NBN: variants seen among roughly 807,000 people sequenced by gnomAD.
The protein encoded by NBN is Nijmegen breakage syndrome 1 (nibrin).
A neutral mutation model predicts 90.8 loss-of-function variants in NBN; 88 were observed. That is an observed-to-expected ratio of 0.97 (90% confidence interval 0.82 to 1.16). NBN has a LOEUF of 1.16. NBN is among the 50% of genes most tolerant of loss of function. The pLI, the probability that NBN is intolerant of heterozygous loss-of-function variation, is 0.00. For synonymous variants in NBN, 328 were observed against 295.1 expected (o/e 1.11, Z -1.14); for missense variants, 894 against 869.6 (o/e 1.03, Z -0.35).
intron 14 of NBN, among the ~76,000 whole-genome samples, chr8:89,942,441 G>C (rs535940562): frequency 6.6e-6 from 1 of 152,160 alleles, no homozygotes; most frequent in African/African-American, 2.4e-5. Flanking sequence ...CCTACAGATC[G>C]AGTTACAAAG....
At chr8:89,982,552 C>T (rs2129922953) in intron 2 of NBN, 170 bp downstream of exon 2, 1 of 638,470 alleles carries the variant, frequency 1.6e-6, no homozygotes, top group South Asian at 1.9e-5. Flanking sequence ...ACAAATACCA[C>T]TGGTACCACT....
intron 13 of NBN, among the ~76,000 whole-genome samples, chr8:89,944,085 A>T (rs1469966847): frequency 1.3e-5 from 2 of 151,840 alleles, no homozygotes; most frequent in Non-Finnish European, 1.5e-5. Flanking sequence ...ATTGATTTGG[A>T]GGGTTTTTTG....
intron 7 of NBN, among the ~76,000 whole-genome samples, chr8:89,965,260 T>C (rs1563550633): frequency 1.3e-5 from 2 of 152,182 alleles, no homozygotes; most frequent in Admixed American, 6.5e-5. Context: ...ACCTAAGGTA[T>C]ATCTATACAT....
In NBN at chr8:89,950,711, C is replaced by T. The variant is rs1043568633; in HGVS notation, c.1845+2533G>A. Among the ~76,000 whole-genome samples the T allele has an allele frequency of 5.3e-5, 8 of 151,298 alleles. No homozygotes were observed. The South Asian group carries it at 6.3e-4, about 12-fold the overall frequency. Reference sequence around the variant, plus strand: ...ATAAAATAATTATATTTCCTCATATCGTTATACCTCATATAAACCTTACAT... The same window carrying T: ...ATAAAATAATTATATTTCCTCATATTGTTATACCTCATATAAACCTTACAT... On this transcript the variant is annotated intron_variant, in intron 11 of 15. Coordinates refer to ENST00000265433, the MANE Select transcript of NBN (RefSeq NM_002485.5).
At chr8:89,955,670 G>A in intron 9 of NBN, 115 bp from the exon 10 acceptor site, 1 of 1,190,808 alleles carries the variant, frequency 8.4e-7, no homozygotes, top group Non-Finnish European at 1.2e-6. Flanking sequence ...ATAATTTTTA[G>A]ACAAAAATAC....
At chr8:89,944,263 GA>G (rs1429087802) in intron 13 of NBN, among the ~76,000 whole-genome samples, 1 of 152,090 alleles carries the variant, frequency 6.6e-6, no homozygotes, top group Non-Finnish European at 1.5e-5. Flanking sequence ...AGGCTAACTG[GA>G]GGCAAAACTC....
At chr8:89,975,922 G>C (rs1342899076) in intron 5 of NBN, among the ~76,000 whole-genome samples, 1 of 152,174 alleles carries the variant, frequency 6.6e-6, no homozygotes, top group Non-Finnish European at 1.5e-5. Flanking sequence ...TTCCTCAAGA[G>C]GCTTCAGGGA....
chr8:89,965,639 A>G (rs896815398), intron 7 of NBN, among the ~76,000 whole-genome samples: 4 of 151,968 alleles, frequency 2.6e-5, no homozygotes, highest in Non-Finnish European at 5.9e-5. Flanking sequence ...ACAGGCGCGC[A>G]CCAACACACC....
At chr8:89,941,109 T>C (rs555964509) in intron 14 of NBN, among the ~76,000 whole-genome samples, 2 of 152,262 alleles carry the variant, frequency 1.3e-5, no homozygotes, top group African/African-American at 2.4e-5. Context: ...AATGAAAGGA[T>C]AGTTATGTCT....
At chr8:89,946,390 C>A in intron 12 of NBN, 95 bp from the exon 13 acceptor site, 1 of 1,071,182 alleles carries the variant, frequency 9.3e-7, no homozygotes, top group South Asian at 1.4e-5. Flanking sequence ...AGTTCAAATA[C>A]CTGAAAAAAT....
At chr8:89,960,458 C>G (rs891342994) in intron 8 of NBN, among the ~76,000 whole-genome samples, 2 of 152,034 alleles carry the variant, frequency 1.3e-5, no homozygotes, top group Non-Finnish European at 2.9e-5. Flanking sequence ...AGAGACCAAC[C>G]TGGTCAACAT....
In NBN at chr8:89,947,867, C is replaced by T. The variant is rs587782297; in HGVS notation, c.1871G>A (p.Arg624His). 22 of 1,575,672 alleles carry T rather than the reference C, an allele frequency of 1.4e-5. No homozygotes were observed. Among genetic ancestry groups the T allele is most frequent in the Non-Finnish European group, 1.7e-5 (20 of 1,150,510 alleles). Reference sequence around the variant, plus strand: ...CCATAGTGAGTCTTCCTTGAGTTCACGTTTCTTCCCAATTTCATTTTCTTG... The same window carrying T: ...CCATAGTGAGTCTTCCTTGAGTTCATGTTTCTTCCCAATTTCATTTTCTTG... The part of the protein sequence containing the change: ...ISQENEIGKK[R>H]ELKEDSLWSA... The change falls in exon 12 of 16, where the codon CGT (arginine) becomes CAT (histidine). Residue 624 changes from arginine (R) to histidine (H), a missense_variant. Transcript: ENST00000265433.
chr8:89,950,809 G>C (rs541151227), intron 11 of NBN, among the ~76,000 whole-genome samples: 1 of 152,138 alleles, frequency 6.6e-6, no homozygotes, highest in South Asian at 2.1e-4. Context: ...ATAGTGCTCA[G>C]TTCTTGTCTT....
At chr8:89,942,651 G>A (rs1810003072) in intron 14 of NBN, among the ~76,000 whole-genome samples, 1 of 152,080 alleles carries the variant, frequency 6.6e-6, no homozygotes, top group Non-Finnish European at 1.5e-5. Context: ...ATAAATGAAC[G>A]GATGCAATGC....
At chr8:89,979,418 C>A (rs1459641451) in intron 4 of NBN, among the ~76,000 whole-genome samples, 1 of 152,166 alleles carries the variant, frequency 6.6e-6, no homozygotes, top group Non-Finnish European at 1.5e-5. Flanking sequence ...CAGTAATGTG[C>A]AAATCAACAC....
intron 5 of NBN, among the ~76,000 whole-genome samples, chr8:89,974,882 G>A (rs1347297096): frequency 1.3e-5 from 2 of 152,130 alleles, no homozygotes; most frequent in Non-Finnish European, 2.9e-5. Context: ...GACCCATGGA[G>A]GACTCCATCT....
At chr8:89,962,525 C>T (rs951285651) in intron 8 of NBN, among the ~76,000 whole-genome samples, 2 of 152,160 alleles carry the variant, frequency 1.3e-5, no homozygotes, top group African/African-American at 4.8e-5. Flanking sequence ...GAATATGGCT[C>T]TCTTTGGCAT....
chr8:89,950,982 C>T (rs1419261744), intron 11 of NBN, among the ~76,000 whole-genome samples: 1 of 151,934 alleles, frequency 6.6e-6, no homozygotes, highest in African/African-American at 2.4e-5. Context: ...AGATTTGTGG[C>T]CACCATAGCA....
In NBN at chr8:89,935,266, T is replaced by A. The variant is rs13312976; in HGVS notation, c.*316A>T. On this transcript the variant is annotated 3_prime_UTR_variant, in exon 16 of 16. Coordinates refer to ENST00000265433, the MANE Select transcript of NBN (RefSeq NM_002485.5). ...TTTTTTCTGAGGGGAACCAAGTAGCTAGGACAATGGTGGAAGGGTGACTTT... is the reference window on the plus strand; with the variant it reads ...TTTTTTCTGAGGGGAACCAAGTAGCAAGGACAATGGTGGAAGGGTGACTTT... 1 of 319,450 alleles carries A rather than the reference T, an allele frequency of 3.1e-6. No individual in the cohort carries two copies. The highest frequency in any genetic ancestry group is 2.1e-5 in the African/African-American group (1 of 46,822). 19.8% of individuals were successfully genotyped at this position (319,450 alleles called of 1,614,324 possible).
Sources: allele counts gnomAD v4.1 joint callset (sites outside exome capture counted in the v4.1 genomes callset), GRCh38; gene constraint gnomAD v4.1.1; transcripts MANE v1.5; gene names NCBI Gene and HGNC (gene_info 2026-07-23, HGNC 2026-07-21).